Variants in TSC22D4 observed in about 807,000 individuals in gnomAD.
The protein encoded by TSC22D4 is TSC22 domain family protein 4.
Under a neutral mutation model 24.9 loss-of-function variants are expected in TSC22D4, and 5 were observed. The ratio of observed to expected loss-of-function variants is 0.20; its 90% CI spans 0.10 to 0.42. TSC22D4 has a LOEUF of 0.42. Ranked by LOEUF, TSC22D4 falls within the 10% of genes least tolerant of loss-of-function variation. The pLI is 1.00. For synonymous variants in TSC22D4, 245 were observed against 243.2 expected (o/e 1.01, Z -0.07); for missense variants, 469 against 547.9 (o/e 0.86, Z 1.44).
rs770889172 is a variant in TSC22D4 at position 100,477,838 on chromosome 7, G to A, written c.201C>T (p.Ala67=). The A allele has an allele frequency of 8.1e-6, 13 of 1,600,652 alleles. No homozygotes were observed. Among genetic ancestry groups the A allele is most frequent in the African/African-American group, 1.3e-5 (1 of 74,788 alleles). Residue 67 remains alanine (A), a synonymous_variant, in exon 2 of 5, where the codon GCC becomes GCT. Coordinates refer to ENST00000300181, the MANE Select transcript of TSC22D4 (RefSeq NM_030935.5). This position sits in a 1 kb window ranked among gnomAD's most constrained non-coding sequence, Gnocchi z 7.8. ...TCACCACCCGGAAACGGGAGGAAGGGGCCCCAGGTGGTGGGGAGCCATTCC... is the reference window on the plus strand; with the variant it reads ...TCACCACCCGGAAACGGGAGGAAGGAGCCCCAGGTGGTGGGGAGCCATTCC... ...TPRNGSPPPG[A]PSSRFRVVKL... is the part of the protein sequence containing the mutation.
At chr7:100,475,447 G>A (rs1406282198) in intron 2 of TSC22D4, among the ~76,000 whole-genome samples, 3 of 152,164 alleles carry the variant, frequency 2.0e-5, no homozygotes, top group Non-Finnish European at 4.4e-5. Context: ...TCATTCACTG[G>A]TTTACTGAAC....
chr7:100,477,684 C>A lies in TSC22D4; in HGVS notation c.355G>T (p.Ala119Ser). The A allele has an allele frequency of 6.3e-7, 1 of 1,592,330 alleles. No individual in the cohort carries two copies. The part of the protein sequence containing the change: ...LEGIRGASGG[A>S]GGRSLDSRLE... The stretch of plus-strand genomic sequence containing the variant: ...CTGGAATCCAAAGATCTGCCCCCGG[C>A]GCCCCCTGAGGCCCCTCGAATTCCC... The change falls in exon 2 of 5, where the codon GCC becomes TCC. Residue 119 changes from alanine to serine, a missense_variant. Coordinates refer to ENST00000300181, the MANE Select transcript of TSC22D4 (RefSeq NM_030935.5). This position sits in a 1 kb window ranked among gnomAD's most constrained non-coding sequence, Gnocchi z 7.8.
chr7:100,476,341 C>A (rs912614989), intron 2 of TSC22D4, among the ~76,000 whole-genome samples: 3 of 151,988 alleles, frequency 2.0e-5, no homozygotes, highest in African/African-American at 7.3e-5. Context: ...GACATCCAGT[C>A]CCAGGTTATT....
rs886628471 is a variant in TSC22D4 at position 100,474,855 on chromosome 7, G to A, written c.763-415C>T. Among the ~76,000 whole-genome samples the A allele has an allele frequency of 6.6e-6, 1 of 152,006 alleles. No individual in the cohort carries two copies. The highest frequency in any genetic ancestry group is 2.4e-5 in the African/African-American group (1 of 41,360). The stretch of plus-strand genomic sequence containing the variant: ...CTCACTCTGTCACCCAGGCTGGAGT[G>A]AAGTGGCACAATCATGGCTCACTGC... On this transcript the variant is annotated intron_variant, in intron 2 of 4. Coordinates refer to ENST00000300181, the MANE Select transcript of TSC22D4 (RefSeq NM_030935.5). This position sits in a 1 kb window ranked among gnomAD's most constrained non-coding sequence, Gnocchi z 4.3.
intron 3 of TSC22D4, among the ~76,000 whole-genome samples, chr7:100,468,327 A>T (rs1799328593): frequency 6.6e-6 from 1 of 151,964 alleles, no homozygotes; most frequent in Non-Finnish European, 1.5e-5. Context: ...CCTGGGTCTG[A>T]GCGGGGAGTG....
rs908530650 is a variant in TSC22D4, at chr7:100,477,200, G to C, written c.762+77C>G. 31 of 1,184,566 alleles carry C rather than the reference G, an allele frequency of 2.6e-5. 1 individual carries two copies. The Middle Eastern group carries it at 7.2e-4, about 28-fold the overall frequency. The allele number at this position is 1,184,566 out of a possible 1,614,324, so 73.4% of individuals were successfully genotyped here. A position where few individuals can be genotyped will look rare whatever the true frequency, so the allele number is the denominator to read the frequency against. On this transcript the variant is annotated intron_variant, in intron 2 of 4. Transcript: ENST00000300181. This position sits in a 1 kb window ranked among gnomAD's most constrained non-coding sequence, Gnocchi z 7.8. ...GTGATGGAGAAGGAGGAGGAGAGGG[G>C]GGGGAGGAGGAGGAAGGAGGCTCAA...
Position 100,478,186 on chromosome 7 carries a change from C to G in TSC22D4, c.-148G>C. ...GGTCCGACATGGCAGGAGGGCCTGG[C>G]GGGAACCGGGGGTGCCTGCTGGGTG... On this transcript the variant is annotated 5_prime_UTR_variant, in exon 2 of 5. Coordinates refer to ENST00000300181, the MANE Select transcript of TSC22D4 (RefSeq NM_030935.5). The G allele has an allele frequency of 1.0e-5, 2 of 192,458 alleles. No homozygotes were observed. Among genetic ancestry groups the G allele is most frequent in the Non-Finnish European group, 7.7e-6 (1 of 129,310 alleles). 11.9% of individuals were successfully genotyped at this position (192,458 alleles called of 1,614,324 possible). A position where few individuals can be genotyped will look rare whatever the true frequency, so the allele number is the denominator to read the frequency against.
chr7:100,467,048 C>A lies in TSC22D4; in HGVS notation c.1099G>T (p.Ala367Ser), dbSNP rs777072521. The A allele has an allele frequency of 4.3e-6, 7 of 1,613,592 alleles. No individual in the cohort carries two copies. The South Asian group carries it at 5.5e-5, about 13-fold the overall frequency. The stretch of plus-strand genomic sequence containing the variant: ...GCCAGCTGCTCCGGGCTGGCCAGGG[C>A]GCGCAGCAGCCCATTCTCCTGCTCC... ...ALEQENGLLR[A>S]LASPEQLAQL... Residue 367 changes from alanine (A) to serine (S), a missense_variant, in exon 5 of 5, where the codon GCC (alanine) becomes TCC (serine). By Grantham distance (99) the Ala-to-Ser change is moderately conservative. Transcript: ENST00000300181.
At position 100,477,133 on chromosome 7, in the gene TSC22D4, G is replaced by A; in HGVS notation, c.762+144C>T. On this transcript the variant is annotated intron_variant, in intron 2 of 4. Transcript: ENST00000300181. This position sits in a 1 kb window ranked among gnomAD's most constrained non-coding sequence, Gnocchi z 7.8. ...AAGTAGGAGGAAGGGGCTTCAGAGTGACCTGGCAGGCACAGAGAAGAGGGC... is the reference window on the plus strand; with the variant it reads ...AAGTAGGAGGAAGGGGCTTCAGAGTAACCTGGCAGGCACAGAGAAGAGGGC... 1 of 671,202 alleles carries A rather than the reference G, an allele frequency of 1.5e-6. No homozygotes were observed. Among genetic ancestry groups the A allele is most frequent in the African/African-American group, 1.8e-5 (1 of 54,098 alleles). 41.6% of individuals were successfully genotyped at this position (671,202 alleles called of 1,614,324 possible).
In TSC22D4 at chr7:100,477,427, C is replaced by A. The variant is rs372797791; in HGVS notation, c.612G>T (p.Ala204=). ...GGGGCGTGGCAGCCCGGGATGTGCC[C>A]GCACTCTCACCGGTCTCAGGCTCTG... ...RPPEPETGES[A]GTSRAATPLP... The change falls in exon 2 of 5, where the codon GCG becomes GCT. Residue 204 remains alanine, a synonymous_variant. Coordinates refer to ENST00000300181, the MANE Select transcript of TSC22D4 (RefSeq NM_030935.5). This position sits in a 1 kb window ranked among gnomAD's most constrained non-coding sequence, Gnocchi z 7.8. The A allele has an allele frequency of 6.3e-7, 1 of 1,585,842 alleles. No individual in the cohort carries two copies. Among genetic ancestry groups the A allele is most frequent in the South Asian group, 1.1e-5 (1 of 87,596 alleles).
rs1003953127 is a variant in TSC22D4 at position 100,466,699 on chromosome 7, TG to T, written c.*259del. On this transcript the variant is annotated 3_prime_UTR_variant, in exon 5 of 5. Coordinates refer to ENST00000300181, the MANE Select transcript of TSC22D4 (RefSeq NM_030935.5). ...CCGACTCCCCCAAGCCGTCTACTGC[TG>T]GGGGGTCCCAGGAGGGAGGGTGGGG... The T allele has an allele frequency of 2.5e-4, 128 of 520,372 alleles. 1 individual carries two copies. In the East Asian group the frequency reaches 3.9e-3, roughly 16 times the overall value. 32.2% of individuals were successfully genotyped at this position (520,372 alleles called of 1,614,324 possible). A position where few individuals can be genotyped will look rare whatever the true frequency, so the allele number is the denominator to read the frequency against.
At chr7:100,469,486 C>A (rs753144391) in intron 3 of TSC22D4, among the ~76,000 whole-genome samples, 2 of 152,112 alleles carry the variant, frequency 1.3e-5, no homozygotes, top group African/African-American at 2.4e-5. Flanking sequence ...CGACGTTGGG[C>A]TCCTGGTCCC....
rs1271834900 is a variant in TSC22D4, at chr7:100,467,549, T to C, written c.978+3A>G. The C allele has an allele frequency of 1.2e-6, 2 of 1,614,000 alleles. No individual in the cohort carries two copies. The highest frequency in any genetic ancestry group is 2.2e-5 in the East Asian group (1 of 44,868). ...CTCCTGGGACCAAGATGGCTTCTCT[T>C]ACCATGGCTTGCTCGATTTTGTTGT... On this transcript the variant is annotated splice_donor_region_variant and intron_variant, in intron 4 of 4. Coordinates refer to ENST00000300181, the MANE Select transcript of TSC22D4 (RefSeq NM_030935.5).
rs1390905983 is a variant in TSC22D4 at position 100,477,648 on chromosome 7, C to T, written c.391G>A (p.Ala131Thr). 6.3e-7 allele frequency: 1 copy of T among 1,593,322 alleles called. No homozygotes were observed. Among genetic ancestry groups the T allele is most frequent in the Non-Finnish European group, 8.5e-7 (1 of 1,175,076 alleles). ...GTGGGGGCGCCCAGGCCGAGGCTGG[C>T]CAGCTCCAACCTGGAATCCAAAGAT... ...GRSLDSRLEL[A>T]SLGLGAPTPP... Residue 131 changes from alanine (A) to threonine (T), a missense_variant, in exon 2 of 5, where the codon GCC becomes ACC. Physicochemically the swap from Ala to Thr is moderately conservative, Grantham distance 58 (BLOSUM62 0). Coordinates refer to ENST00000300181, the MANE Select transcript of TSC22D4 (RefSeq NM_030935.5). The surrounding 1 kb of genome is among the most constrained non-coding windows in gnomAD (Gnocchi z 7.8).
chr7:100,466,800 T>G lies in TSC22D4; in HGVS notation c.*159A>C. On this transcript the variant is annotated 3_prime_UTR_variant, in exon 5 of 5. Coordinates refer to ENST00000300181, the MANE Select transcript of TSC22D4 (RefSeq NM_030935.5). ...CTCCCTCCTCCATCAAGGCTGGGGATGATGAGGAGATGGGGCAGGGGCCGG... is the reference window on the plus strand; with the variant it reads ...CTCCCTCCTCCATCAAGGCTGGGGAGGATGAGGAGATGGGGCAGGGGCCGG... The G allele has an allele frequency of 1.4e-6, 1 of 736,642 alleles. No homozygotes were observed. The allele number at this position is 736,642 out of a possible 1,614,324, so 45.6% of individuals were successfully genotyped here.
Position 100,477,723 on chromosome 7 carries a change from C to T in TSC22D4, c.316G>A (p.Gly106Ser), listed in dbSNP as rs754616032. 19 of 1,601,144 alleles carry T rather than the reference C, an allele frequency of 1.2e-5. No homozygotes were observed. Among genetic ancestry groups the T allele is most frequent in the Non-Finnish European group, 1.6e-5 (19 of 1,179,336 alleles). Residue 106 changes from glycine to serine, a missense_variant, in exon 2 of 5, where the codon GGC becomes AGC. Physicochemically the swap from Gly to Ser is moderately conservative, Grantham distance 56 (BLOSUM62 0). Transcript: ENST00000300181. This position sits in a 1 kb window ranked among gnomAD's most constrained non-coding sequence, Gnocchi z 7.8. ...YERDLEPHSF[G>S]GLLEGIRGAS... ...CCTCGAATTCCCTCCAGGAGTCCGCCGAAGCTGTGGGGCTCCAGGTCTCGC... is the reference window on the plus strand; with the variant it reads ...CCTCGAATTCCCTCCAGGAGTCCGCTGAAGCTGTGGGGCTCCAGGTCTCGC...
In TSC22D4 at chr7:100,467,047, G is replaced by C; in HGVS notation, c.1100C>G (p.Ala367Gly). Residue 367 changes from alanine to glycine, a missense_variant, in exon 5 of 5, where the codon GCC becomes GGC. Transcript: ENST00000300181. ...ALEQENGLLR[A>G]LASPEQLAQL... is the part of the protein sequence containing the mutation. ...AGCCAGCTGCTCCGGGCTGGCCAGG[G>C]CGCGCAGCAGCCCATTCTCCTGCTC... 1 of 1,613,644 alleles carries C rather than the reference G, an allele frequency of 6.2e-7. No individual in the cohort carries two copies. Among genetic ancestry groups the C allele is most frequent in the Non-Finnish European group, 8.5e-7 (1 of 1,179,880 alleles).
At chr7:100,475,658 C>T (rs1204934845) in intron 2 of TSC22D4, among the ~76,000 whole-genome samples, 5 of 151,892 alleles carry the variant, frequency 3.3e-5, no homozygotes, top group East Asian at 1.9e-4. Context: ...TCTGCTCCTG[C>T]GCTCTGCCCT....
At position 100,467,126 on chromosome 7, in the gene TSC22D4, C is replaced by T; in HGVS notation, c.1021G>A (p.Val341Met). 1.2e-6 allele frequency: 2 copies of T among 1,614,180 alleles called. No homozygotes were observed. The change falls in exon 5 of 5, where the codon GTG becomes ATG. Residue 341 changes from valine (V) to methionine (M), a missense_variant. Val to Met is a conservative substitution (Grantham distance 21). Transcript: ENST00000300181. The part of the protein sequence containing the change: ...SHLMFAVREE[V>M]EVLKEQIREL... Reference sequence around the variant, plus strand: ...CGGATCTGCTCCTTCAGCACCTCCACCTCCTCCCGGACCGCAAACATGAGG... The same window carrying T: ...CGGATCTGCTCCTTCAGCACCTCCATCTCCTCCCGGACCGCAAACATGAGG...
Sources: gnomAD v4.1 joint callset for allele counts (sites outside exome capture counted in the v4.1 genomes callset) on GRCh38, gnomAD v4.1.1 for gene constraint, Gnocchi (gnomAD v3.1) non-coding constraint, MANE v1.5 for transcripts, NCBI Gene and HGNC (gene_info 2026-07-23, HGNC 2026-07-21) for gene names.